Variants in CEP63 observed in about 807,000 individuals in gnomAD.
CEP63 encodes centrosomal protein 63.
CEP63 carries 84 observed loss-of-function variants against 89.1 expected under a neutral mutation model. The observed-to-expected ratio is 0.94, with a 90% CI of 0.79 to 1.13. The LOEUF is 1.13. CEP63 is among the 50% of genes most tolerant of loss of function. CEP63 has a pLI of 0.00. For synonymous variants in CEP63, 267 were observed against 272.5 expected (o/e 0.98, Z 0.20); for missense variants, 838 against 813.3 (o/e 1.03, Z -0.37).
chr3:134,498,511 A>G (rs1940903284), intron 2 of CEP63, among the ~76,000 whole-genome samples: 1 of 152,172 alleles, frequency 6.6e-6, no homozygotes, highest in South Asian at 2.1e-4. Context: ...AAGAGCAACA[A>G]TTTGACTTCC....
chr3:134,732,831 AT>A, the CEP63 span, among the ~76,000 whole-genome samples: 1 of 152,192 alleles, frequency 6.6e-6, no homozygotes. Context: ...AGGGCCTTAT[AT>A]TTTATTCTAC....
At chr3:134,610,059 G>T in the CEP63 span, 2 of 917,834 alleles carry the variant, frequency 2.2e-6, no homozygotes, top group Non-Finnish European at 3.3e-6. Context: ...CTTCAGAGCC[G>T]AGGAGGAGTG....
the CEP63 span, chr3:134,619,195 C>T: frequency 1.9e-6 from 3 of 1,613,854 alleles, no homozygotes; most frequent in East Asian, 2.2e-5. Flanking sequence ...AGTTGGTCTT[C>T]TGGGTCCGCA....
At chr3:134,619,207 G>A in the CEP63 span, 1 of 1,613,978 alleles carries the variant, frequency 6.2e-7, no homozygotes, top group Non-Finnish European at 8.5e-7. Context: ...GGGTCCGCAG[G>A]ATGTCAGTGG....
Position 134,486,087 on chromosome 3 carries a change from G to A in CEP63, c.-141G>A, listed in dbSNP as rs1265251688. 2.0e-6 allele frequency: 2 copies of A among 985,384 alleles called. No individual in the cohort carries two copies. The highest frequency in any genetic ancestry group is 3.5e-5 in the African/African-American group (2 of 57,188). 61.0% of individuals were successfully genotyped at this position (985,384 alleles called of 1,614,324 possible). On this transcript the variant is annotated 5_prime_UTR_variant, in exon 1 of 15. Coordinates refer to ENST00000675561, the MANE Select transcript of CEP63 (RefSeq NM_001353108.3). ...TTTGCTCGCGTGCAGGGGAAGTCTG[G>A]AGAAGGCATTGTTTCAATTATTAAA...
the CEP63 span, among the ~76,000 whole-genome samples, chr3:134,777,608 ATTTTTTTTTTTTT>A: frequency 5.0e-5 from 5 of 100,186 alleles, no homozygotes; most frequent in Non-Finnish European, 9.5e-5. Flanking sequence ...AAAGAATAGA[ATTTTTTTTTTTTT>A]TTTTTTTTTT....
At chr3:134,505,548 G>A (rs2108372374) in intron 2 of CEP63, among the ~76,000 whole-genome samples, 1 of 152,340 alleles carries the variant, frequency 6.6e-6, no homozygotes, top group South Asian at 2.1e-4. Flanking sequence ...CAGATGGCAT[G>A]CACAGGCACT....
chr3:134,714,177 A>G, the CEP63 span, among the ~76,000 whole-genome samples: 1 of 152,224 alleles, frequency 6.6e-6, no homozygotes, highest in Non-Finnish European at 1.5e-5. Flanking sequence ...GTGCATGGAA[A>G]TTGGCATTTC....
the CEP63 span, among the ~76,000 whole-genome samples, chr3:134,668,031 T>C: frequency 2.0e-4 from 31 of 152,208 alleles, no homozygotes; most frequent in Non-Finnish European, 2.6e-4. Flanking sequence ...TGGTGACACG[T>C]CCTGGGAGGG....
chr3:134,771,497 A>G, the CEP63 span, among the ~76,000 whole-genome samples: 2 of 152,198 alleles, frequency 1.3e-5, no homozygotes, highest in African/African-American at 4.8e-5. Context: ...AAAGTTTCTG[A>G]TACAGCAGGT....
intron 3 of CEP63, among the ~76,000 whole-genome samples, chr3:134,526,649 A>T (rs1203742347): frequency 6.6e-6 from 1 of 152,064 alleles, no homozygotes; most frequent in Non-Finnish European, 1.5e-5. Flanking sequence ...GAGAAGTGAT[A>T]TGGTTGTTTG....
At chr3:134,541,510 CTTTT>C (rs564947611) in intron 6 of CEP63, among the ~76,000 whole-genome samples, 2 of 128,352 alleles carry the variant, frequency 1.6e-5, no homozygotes, top group East Asian at 2.2e-4. Flanking sequence ...TACTAGCCAA[CTTTT>C]TTTTTTTTTT....
chr3:134,619,651 G>C, the CEP63 span, among the ~76,000 whole-genome samples: 1 of 152,196 alleles, frequency 6.6e-6, no homozygotes, highest in Admixed American at 6.5e-5. Flanking sequence ...GGGGCACACA[G>C]AGCTCGTCTC....
At chr3:134,708,439 T>C in the CEP63 span, among the ~76,000 whole-genome samples, 7 of 152,362 alleles carry the variant, frequency 4.6e-5, no homozygotes, top group African/African-American at 1.7e-4. Context: ...TGTGATAGAA[T>C]TGGTCATGAA....
At chr3:134,585,866 C>G (rs1488790502) in intron 10 of CEP63, among the ~76,000 whole-genome samples, 2 of 152,148 alleles carry the variant, frequency 1.3e-5, no homozygotes, top group Admixed American at 6.5e-5. Flanking sequence ...CTTTATGAAT[C>G]TGGGTGCTCC....
the CEP63 span, among the ~76,000 whole-genome samples, chr3:134,605,698 G>A: frequency 2.0e-5 from 3 of 148,932 alleles, no homozygotes; most frequent in Admixed American, 6.7e-5. Context: ...CCCCTCTGCC[G>A]GTCAGCTCTC....
At chr3:134,651,427 G>C in the CEP63 span, 8 of 1,079,630 alleles carry the variant, frequency 7.4e-6, no homozygotes, top group South Asian at 2.1e-4. Flanking sequence ...TACAGAAATC[G>C]CACAGTGCTG....
the CEP63 span, among the ~76,000 whole-genome samples, chr3:134,614,635 C>G: frequency 3.3e-5 from 5 of 152,106 alleles, no homozygotes. Context: ...AACCCTGAAG[C>G]TGCTGAGTCT....
chr3:134,763,718 G>T, the CEP63 span, among the ~76,000 whole-genome samples: 1 of 152,206 alleles, frequency 6.6e-6, no homozygotes, highest in African/African-American at 2.4e-5. Flanking sequence ...GTCTTCATTA[G>T]ATATCTGAGA....
Sources: gnomAD v4.1 joint callset for allele counts (sites outside exome capture counted in the v4.1 genomes callset) on GRCh38, gnomAD v4.1.1 for gene constraint, MANE v1.5 for transcripts, NCBI Gene and HGNC (gene_info 2026-07-23, HGNC 2026-07-21) for gene names.